The following CLECL1 variants were observed in gnomAD, a reference collection of about 807,000 sequenced individuals.
The protein encoded by CLECL1 is C-type lectin like 1, also known as C-type lectin-like domain family 1.
At chr12:9,723,349 C>T (rs1866337355) in intron 3 of CLECL1, among the ~76,000 whole-genome samples, 1 of 152,022 alleles carries the variant, frequency 6.6e-6, no homozygotes, top group African/African-American at 2.4e-5. Context: ...TAATATTTCC[C>T]AGCAAATTTA....
downstream of CLECL1, chr12:9,718,545 A>G (rs935956070): frequency 2.6e-5 from 7 of 268,664 alleles, 1 homozygote; most frequent in Non-Finnish European, 4.7e-5. Context: ...GCTGAATTGT[A>G]CTACTCCAAA....
chr12:9,720,771 G>A (rs1866300677), downstream of CLECL1, among the ~76,000 whole-genome samples: 4 of 152,150 alleles, frequency 2.6e-5, no homozygotes, highest in South Asian at 2.1e-4. Flanking sequence ...TGGGAGAGGT[G>A]GTGGGATTTT....
downstream of CLECL1, among the ~76,000 whole-genome samples, chr12:9,720,715 C>G (rs893956985): frequency 4.6e-5 from 7 of 152,258 alleles, no homozygotes; most frequent in Admixed American, 3.3e-4. Flanking sequence ...CTGCTTCTCT[C>G]CAGTCATTTC....
intron 3 of CLECL1, among the ~76,000 whole-genome samples, chr12:9,724,481 CGAT>C (rs1439615291): frequency 2.6e-5 from 4 of 151,758 alleles, no homozygotes; most frequent in African/African-American, 9.7e-5. Flanking sequence ...TGCTTTCAAA[CGAT>C]GAAAAAATAG....
chr12:9,726,478 G>C (rs1050612578), intron 3 of CLECL1, among the ~76,000 whole-genome samples: 3 of 151,834 alleles, frequency 2.0e-5, no homozygotes, highest in African/African-American at 4.8e-5. Context: ...TGTGAAGTTA[G>C]GTGAAATGGG....
intron 3 of CLECL1, among the ~76,000 whole-genome samples, chr12:9,726,185 G>C (rs1866377281): frequency 6.6e-6 from 1 of 151,820 alleles, no homozygotes; most frequent in African/African-American, 2.4e-5. Flanking sequence ...GGTCACCAAG[G>C]ACTTTAGATA....
the CLECL1 span, among the ~76,000 whole-genome samples, chr12:9,709,718 A>T: frequency 6.6e-6 from 1 of 152,146 alleles, no homozygotes; most frequent in Non-Finnish European, 1.5e-5. Context: ...GAATGACCCT[A>T]AATGGCATCC....
At chr12:9,728,449 G>A (rs10743822) in intron 2 of CLECL1, among the ~76,000 whole-genome samples, 136,700 of 151,734 alleles carry the variant, frequency 0.9, 61,619 homozygotes, top group East Asian at 0.97. Flanking sequence ...ATAATATAGT[G>A]CATCCAATGC....
upstream of CLECL1, chr12:9,733,067 T>C: frequency 6.2e-7 from 1 of 1,614,064 alleles, no homozygotes; most frequent in South Asian, 1.1e-5. Context: ...CCACAAATGA[T>C]GTCCCACTGA....
downstream of CLECL1, among the ~76,000 whole-genome samples, chr12:9,713,207 A>G (rs916719370): frequency 3.9e-5 from 6 of 152,208 alleles, no homozygotes; most frequent in Non-Finnish European, 8.8e-5. Flanking sequence ...CTTCTATACA[A>G]TGTCTGGAAT....
chr12:9,706,789 A>G, the CLECL1 span, among the ~76,000 whole-genome samples: 1 of 152,198 alleles, frequency 6.6e-6, no homozygotes, highest in Non-Finnish European at 1.5e-5. Context: ...GCATATGATC[A>G]TCAAGGATAT....
At chr12:9,719,553 A>G (rs1866283846), downstream of CLECL1, among the ~76,000 whole-genome samples, 1 of 151,630 alleles carries the variant, frequency 6.6e-6, no homozygotes, top group Non-Finnish European at 1.5e-5. Flanking sequence ...AAAAAGAAAG[A>G]GAACAGCCTG....
At chr12:9,729,904 TCCCC>T (rs1866426092) in intron 1 of CLECL1, among the ~76,000 whole-genome samples, 1 of 152,160 alleles carries the variant, frequency 6.6e-6, no homozygotes, top group African/African-American at 2.4e-5. Context: ...CTGTTTATAT[TCCCC>T]AGTATTGATC....
intron 1 of CLECL1, among the ~76,000 whole-genome samples, chr12:9,732,505 T>G (rs111609496): frequency 0.02 from 3,038 of 152,306 alleles, 100 homozygotes; most frequent in African/African-American, 0.065. Context: ...TTTCTTAAGT[T>G]TACATTTTTA....
chr12:9,722,674 A>G (rs770241278), exon 4 of CLECL1: 2 of 1,613,922 alleles, frequency 1.2e-6, no homozygotes, highest in East Asian at 4.5e-5. Flanking sequence ...TCACCATGAG[A>G]TATGAATTGT....
chr12:9,728,096 C>A (rs1866401134), intron 2 of CLECL1, among the ~76,000 whole-genome samples: 2 of 151,854 alleles, frequency 1.3e-5, no homozygotes, highest in African/African-American at 4.8e-5. Flanking sequence ...CTTTGAGATT[C>A]TGCATATAAA....
the CLECL1 span, among the ~76,000 whole-genome samples, chr12:9,703,606 G>C: frequency 3.9e-5 from 6 of 151,960 alleles, no homozygotes; most frequent in Non-Finnish European, 7.4e-5. Context: ...TGTTGCCAAG[G>C]CTGGTCTCAA....
chr12:9,726,529 C>T (rs1248537108), intron 3 of CLECL1, among the ~76,000 whole-genome samples: 1 of 151,700 alleles, frequency 6.6e-6, no homozygotes, highest in East Asian at 1.9e-4. Context: ...AATTTGAGTC[C>T]CAGAAGGAAA....
rs145437333 is a variant in CLECL1, at chr12:9,728,585, AAC to A, written n.169-929_169-928del. Among the ~76,000 whole-genome samples the A allele has an allele frequency of 7.7e-3, 1,175 of 152,024 alleles. 18 individuals are homozygous for A. The highest frequency in any genetic ancestry group is 0.027 in the African/African-American group (1,118 of 41,538). The stretch of plus-strand genomic sequence containing the variant: ...CATTTTATCTTTGAAATCTATTAGT[AAC>A]ACATCAATTTTAGTAGCAAAAAAAT... On this transcript the variant is annotated intron_variant and non_coding_transcript_variant, in intron 2 of 3. Transcript: ENST00000621400.
Sources: allele counts gnomAD v4.1 joint callset (sites outside exome capture counted in the v4.1 genomes callset), GRCh38; gene constraint gnomAD v4.1.1; transcripts MANE v1.5; gene names NCBI Gene and HGNC (gene_info 2026-07-23, HGNC 2026-07-21).